The following SPEN variants were observed in gnomAD, a reference collection of about 807,000 sequenced individuals.
SPEN encodes spen family transcriptional repressor.
In SPEN, 18 loss-of-function variants were observed where a neutral mutation model predicts 269.9. The observed-to-expected ratio is 0.07, with a 90% CI of 0.05 to 0.10. SPEN has a LOEUF of 0.10. Ranked by LOEUF, SPEN falls within the 10% of genes least tolerant of loss-of-function variation. The pLI, the probability that SPEN is intolerant of heterozygous loss-of-function variation, is 1.00. For synonymous variants in SPEN, 1,726 were observed against 1,765.7 expected (o/e 0.98, Z 0.56); for missense variants, 3,822 against 4,631.2 (o/e 0.83, Z 5.07).
chr1:15,864,006 TAGAA>T (rs2070472453), intron 1 of SPEN, among the ~76,000 whole-genome samples: 1 of 152,096 alleles, frequency 6.6e-6, no homozygotes, highest in Admixed American at 6.6e-5. Flanking sequence ...TATTCAGCCT[TAGAA>T]AGGAAGTTTT....
chr1:15,885,088 G>A (rs11806292), intron 3 of SPEN, among the ~76,000 whole-genome samples: 3 of 152,092 alleles, frequency 2.0e-5, no homozygotes, highest in African/African-American at 7.2e-5. Context: ...ATTTTTCGGT[G>A]ATGATCATAG....
intron 11 of SPEN, 61 bp downstream of exon 11, chr1:15,936,327 CTT>C: frequency 6.7e-7 from 1 of 1,484,314 alleles, no homozygotes; most frequent in South Asian, 1.4e-5. Flanking sequence ...GCTCAGCAGG[CTT>C]TTAAGCCAAG....
chr1:15,915,801 A>G (rs1171333987), intron 5 of SPEN, among the ~76,000 whole-genome samples: 1 of 152,174 alleles, frequency 6.6e-6, no homozygotes, highest in Non-Finnish European at 1.5e-5. Flanking sequence ...GACATCTTAA[A>G]GTGCTGGAAT....
intron 1 of SPEN, among the ~76,000 whole-genome samples, chr1:15,870,264 A>G (rs7552077): frequency 0.4 from 61,011 of 152,010 alleles, 12,627 homozygotes; most frequent in East Asian, 0.69. Flanking sequence ...AGTTTGATAA[A>G]AATGTGATCT....
chr1:15,881,199 G>C (rs558478349), intron 3 of SPEN, among the ~76,000 whole-genome samples: 1 of 152,236 alleles, frequency 6.6e-6, no homozygotes, highest in South Asian at 2.1e-4. Flanking sequence ...TGAGCTCCTG[G>C]CTTCAAGCGA....
chr1:15,897,169 A>T (rs1206465462), intron 3 of SPEN, among the ~76,000 whole-genome samples: 1 of 152,172 alleles, frequency 6.6e-6, no homozygotes, highest in African/African-American at 2.4e-5. Context: ...CAAAGTTGAA[A>T]TTAAAATATT....
At chr1:15,915,634 A>G (rs570614202) in intron 5 of SPEN, among the ~76,000 whole-genome samples, 1 of 152,176 alleles carries the variant, frequency 6.6e-6, no homozygotes, top group Non-Finnish European at 1.5e-5. Context: ...TCCCATTCTC[A>G]TGCTATTCTC....
chr1:15,892,209 A>G (rs1318026141), intron 3 of SPEN, among the ~76,000 whole-genome samples: 1 of 151,772 alleles, frequency 6.6e-6, no homozygotes, highest in Admixed American at 6.6e-5. Flanking sequence ...TATTTTTAGT[A>G]GAGATGGGGT....
In SPEN at chr1:15,932,594, A is replaced by G. The variant is rs765517795; in HGVS notation, c.6354A>G (p.Ala2118=). The G allele has an allele frequency of 5.6e-6, 9 of 1,604,272 alleles. No individual in the cohort carries two copies. Among genetic ancestry groups the G allele is most frequent in the Non-Finnish European group, 7.7e-6 (9 of 1,173,754 alleles). The change falls in exon 11 of 15, where the codon GCA becomes GCG. Residue 2118 remains alanine, a synonymous_variant. Coordinates refer to ENST00000375759, the MANE Select transcript of SPEN (RefSeq NM_015001.3). The surrounding 1 kb of genome is among the most constrained non-coding windows in gnomAD (Gnocchi z 4.2). ...GGGAGAGGGAATCTGGGGTGGTGGC[A>G]GTCTCCCCTGAGAAAAGTGAGAGTC... ...QAGERESGVV[A]VSPEKSESPQ...
At chr1:15,924,723 G>T (rs570532418) in intron 10 of SPEN, among the ~76,000 whole-genome samples, 2 of 152,324 alleles carry the variant, frequency 1.3e-5, no homozygotes, top group African/African-American at 4.8e-5. Context: ...GCCTCCCAAA[G>T]TGCTGGGATT....
Position 15,894,650 on chromosome 1 carries a change from C to T in SPEN, c.882-14671C>T, listed in dbSNP as rs528496942. Among the ~76,000 whole-genome samples the T allele has an allele frequency of 1.1e-3, 157 of 146,662 alleles. 1 individual carries two copies. The highest frequency in any genetic ancestry group is 2.0e-3 in the Non-Finnish European group (135 of 67,380). ...CCGCCTCCTGGGTTCAAATGATTCTCGTGCCTCAGCCTCCAGAATAGCTGG... is the reference window on the plus strand; with the variant it reads ...CCGCCTCCTGGGTTCAAATGATTCTTGTGCCTCAGCCTCCAGAATAGCTGG... On this transcript the variant is annotated intron_variant, in intron 3 of 14. Coordinates refer to ENST00000375759, the MANE Select transcript of SPEN (RefSeq NM_015001.3).
intron 1 of SPEN, among the ~76,000 whole-genome samples, chr1:15,862,650 TAATA>T (rs576620226): frequency 4.6e-5 from 7 of 152,254 alleles, no homozygotes; most frequent in African/African-American, 1.4e-4. Flanking sequence ...TAATTTTACT[TAATA>T]AATAATTTTT....
In SPEN at chr1:15,930,035, A is replaced by G; in HGVS notation, c.3795A>G (p.Arg1265=). ...SERTGGSPSV[R]HGSFHEDEDP... ...GGACTGGTGGTTCTCCCAGTGTCCG[A>G]CATGGTTCCTTCCATGAAGATGAGG... is the stretch of plus-strand genomic sequence containing the variant. The change falls in exon 11 of 15, where the codon CGA becomes CGG. Residue 1265 remains arginine (R), a synonymous_variant. Transcript: ENST00000375759. This position sits in a 1 kb window ranked among gnomAD's most constrained non-coding sequence, Gnocchi z 5.3. 6.2e-7 allele frequency: 1 copy of G among 1,614,216 alleles called. No homozygotes were observed. The highest frequency in any genetic ancestry group is 8.5e-7 in the Non-Finnish European group (1 of 1,180,038).
In SPEN at chr1:15,939,991, G is replaced by A. The variant is rs1402162144; in HGVS notation, c.*564G>A. 2 of 231,308 alleles carry A rather than the reference G, an allele frequency of 8.6e-6. No homozygotes were observed. The highest frequency in any genetic ancestry group is 1.7e-5 in the Non-Finnish European group (2 of 116,972). The allele number at this position is 231,308 out of a possible 1,614,324, so 14.3% of individuals were successfully genotyped here. On this transcript the variant is annotated 3_prime_UTR_variant, in exon 15 of 15. Transcript: ENST00000375759. This position sits in a 1 kb window ranked among gnomAD's most constrained non-coding sequence, Gnocchi z 4.1. ...TTGGATGCGTCACCTTAATTCTCCT[G>A]CTGCCACCGTCTTTGATTCACCGGG... is the stretch of plus-strand genomic sequence containing the variant.
At chr1:15,914,623 G>C (rs1054013872) in intron 5 of SPEN, among the ~76,000 whole-genome samples, 1 of 152,122 alleles carries the variant, frequency 6.6e-6, no homozygotes, top group African/African-American at 2.4e-5. Flanking sequence ...AGGAGTTCGA[G>C]AGTAGCCTGC....
intron 3 of SPEN, among the ~76,000 whole-genome samples, chr1:15,895,832 A>C (rs973924677): frequency 6.6e-6 from 1 of 151,828 alleles, no homozygotes; most frequent in African/African-American, 2.4e-5. Context: ...GGCATGCGCC[A>C]CTGTGCCCAG....
chr1:15,926,380 TACATACACACACAC>T (rs2071167186), intron 10 of SPEN, among the ~76,000 whole-genome samples: 2 of 141,388 alleles, frequency 1.4e-5, no homozygotes, highest in Admixed American at 1.4e-4. Flanking sequence ...CTCAGATATA[TACATACACACACAC>T]ACACACACAC....
chr1:15,856,177 A>G (rs2070384898), intron 1 of SPEN, among the ~76,000 whole-genome samples: 1 of 151,414 alleles, frequency 6.6e-6, no homozygotes, highest in Non-Finnish European at 1.5e-5. Context: ...TTTTTAGTAG[A>G]GACGGGGTTT....
At chr1:15,907,254 G>A (rs2070968121) in intron 3 of SPEN, among the ~76,000 whole-genome samples, 1 of 152,068 alleles carries the variant, frequency 6.6e-6, no homozygotes, top group African/African-American at 2.4e-5. Context: ...GGCTGAGGTG[G>A]GCGGATCACT....
Sources: gnomAD v4.1 joint callset for allele counts (sites outside exome capture counted in the v4.1 genomes callset) on GRCh38, gnomAD v4.1.1 for gene constraint, Gnocchi (gnomAD v3.1) non-coding constraint, MANE v1.5 for transcripts, NCBI Gene and HGNC (gene_info 2026-07-23, HGNC 2026-07-21) for gene names.